FLI1: variants seen among roughly 807,000 people sequenced by gnomAD.
The protein encoded by FLI1 is Friend leukemia integration 1 transcription factor.
In FLI1, 13 loss-of-function variants were observed where a neutral mutation model predicts 53.1. The observed-to-expected ratio is 0.24, with a 90% confidence interval of 0.16 to 0.39. The LOEUF (loss-of-function observed/expected upper bound fraction) is 0.39, where lower values mean the gene tolerates loss of function less well. Ranked by LOEUF, FLI1 falls within the 10% of genes least tolerant of loss-of-function variation. FLI1 has a pLI of 1.00. For synonymous variants in FLI1, 244 were observed against 236.7 expected (o/e 1.03, Z -0.28); for missense variants, 424 against 600.5 (o/e 0.71, Z 3.07).
chr11:128,720,565 A>T (rs1174760528), intron 1 of FLI1, among the ~76,000 whole-genome samples: 2 of 152,166 alleles, frequency 1.3e-5, no homozygotes, highest in African/African-American at 4.8e-5. Flanking sequence ...CCCAGATGGA[A>T]GCCCGTCCAA....
intron 1 of FLI1, among the ~76,000 whole-genome samples, chr11:128,730,710 G>T (rs1048603874): frequency 2.0e-5 from 3 of 152,312 alleles, no homozygotes; most frequent in Middle Eastern, 3.4e-3. Flanking sequence ...ACGAAGGGGT[G>T]TATTTATTTA....
chr11:128,811,345 A>G lies in FLI1; in HGVS notation c.*357A>G. ...TTTATGACCAAAGCAGTTTCTTGTC[A>G]ATACACGGGGTTCAGTATGACACAG... On this transcript the variant is annotated 3_prime_UTR_variant, in exon 9 of 9. Transcript: ENST00000527786. 1 of 370,986 alleles carries G rather than the reference A, an allele frequency of 2.7e-6. No homozygotes were observed. 23.0% of individuals were successfully genotyped at this position (370,986 alleles called of 1,614,324 possible).
chr11:128,800,172 C>A (rs960611796), intron 5 of FLI1, among the ~76,000 whole-genome samples: 1 of 152,196 alleles, frequency 6.6e-6, no homozygotes, highest in Non-Finnish European at 1.5e-5. Context: ...TCCCCCTGCT[C>A]TGCTGGGAGC....
chr11:128,702,303 T>C (rs538492918), intron 1 of FLI1, among the ~76,000 whole-genome samples: 15 of 152,356 alleles, frequency 9.8e-5, no homozygotes, highest in African/African-American at 3.6e-4. Flanking sequence ...AGAGTAGACA[T>C]TTCTCTTCTT....
chr11:128,767,695 G>A (rs911655403), intron 2 of FLI1, among the ~76,000 whole-genome samples: 1 of 152,218 alleles, frequency 6.6e-6, no homozygotes. Flanking sequence ...AGGCCAAGCT[G>A]AGAATCAGAC....
intron 1 of FLI1, among the ~76,000 whole-genome samples, chr11:128,739,710 T>G (rs1370033140): frequency 1.3e-5 from 2 of 151,980 alleles, no homozygotes; most frequent in East Asian, 3.9e-4. Flanking sequence ...ATTCTCAAAG[T>G]GAAAACTCTA....
intron 4 of FLI1, among the ~76,000 whole-genome samples, chr11:128,780,505 G>T (rs758559522): frequency 1.3e-5 from 2 of 152,230 alleles, no homozygotes; most frequent in Non-Finnish European, 2.9e-5. Context: ...TGAGGCAGGA[G>T]AATCACTTGA....
chr11:128,686,541 T>C (rs1355914242), exon 1 of FLI1: 3 of 448,582 alleles, frequency 6.7e-6, no homozygotes, highest in East Asian at 7.1e-5. Flanking sequence ...CCCTACAGTC[T>C]CTCCATCTGC....
At chr11:128,799,039 TATTA>T (rs1565506593) in intron 5 of FLI1, among the ~76,000 whole-genome samples, 7 of 136,472 alleles carry the variant, frequency 5.1e-5, no homozygotes, top group East Asian at 2.0e-4. Context: ...TTATTATTAT[TATTA>T]TTATTATTAT....
chr11:128,806,721 G>A (rs1591390382), intron 6 of FLI1: 1 of 152,674 alleles, frequency 6.5e-6, no homozygotes, highest in African/African-American at 2.4e-5. Flanking sequence ...ATACCAAGGA[G>A]GAAACTCACA....
intron 2 of FLI1, 116 bp from the exon 3 acceptor site, chr11:128,768,002 T>C (rs2135832082): frequency 3.5e-6 from 3 of 852,612 alleles, no homozygotes; most frequent in Non-Finnish European, 5.4e-6. Flanking sequence ...ACACCAAGTG[T>C]GGCCGGGCAA....
At chr11:128,802,302 C>G (rs1942655883) in intron 5 of FLI1, among the ~76,000 whole-genome samples, 1 of 152,190 alleles carries the variant, frequency 6.6e-6, no homozygotes, top group South Asian at 2.1e-4. Context: ...TCCTCGAGCC[C>G]CAGAGCCTAC....
chr11:128,700,392 C>T (rs112171591), intron 1 of FLI1, among the ~76,000 whole-genome samples: 1 of 152,218 alleles, frequency 6.6e-6, no homozygotes, highest in African/African-American at 2.4e-5. Context: ...ACTGGCCACA[C>T]TGCCTCTTGG....
intron 2 of FLI1, among the ~76,000 whole-genome samples, chr11:128,766,485 C>T (rs556042938): frequency 2.2e-4 from 34 of 152,308 alleles, no homozygotes; most frequent in African/African-American, 5.8e-4. Flanking sequence ...AAATTACCGT[C>T]TGACTTCTAA....
At chr11:128,686,256 A>G (rs958455524), upstream of FLI1, 2 of 444,352 alleles carry the variant, frequency 4.5e-6, no homozygotes, top group African/African-American at 2.0e-5. Flanking sequence ...TCTCCTCAAC[A>G]CGCACCAAGA....
upstream of FLI1, chr11:128,692,101 T>C (rs550737089): frequency 3.3e-5 from 5 of 152,122 alleles, no homozygotes; most frequent in Non-Finnish European, 7.3e-5. Context: ...TGTTGTAGTT[T>C]GAAGGTCGGT....
intron 3 of FLI1, 87 bp from the exon 4 acceptor site, chr11:128,772,695 G>A: frequency 7.0e-6 from 7 of 994,936 alleles, no homozygotes; most frequent in Non-Finnish European, 1.1e-5. Flanking sequence ...GAAAGAAAGA[G>A]GGACAAGGGG....
chr11:128,707,575 C>A (rs1377213805), intron 1 of FLI1, among the ~76,000 whole-genome samples: 2 of 152,152 alleles, frequency 1.3e-5, no homozygotes, highest in Non-Finnish European at 2.9e-5. Context: ...CTAAGCCATT[C>A]CTTTTGGAGA....
At chr11:128,704,606 A>G (rs1357597421) in intron 1 of FLI1, among the ~76,000 whole-genome samples, 17 of 152,198 alleles carry the variant, frequency 1.1e-4, no homozygotes. Flanking sequence ...CAATAATTTG[A>G]TGTCCAAGGA....
Sources: gnomAD v4.1 joint callset for allele counts (sites outside exome capture counted in the v4.1 genomes callset) on GRCh38, gnomAD v4.1.1 for gene constraint, MANE v1.5 for transcripts, NCBI Gene and HGNC (gene_info 2026-07-23, HGNC 2026-07-21) for gene names.